The following FBXL17 variants were observed in gnomAD, a reference collection of about 807,000 sequenced individuals.
The protein encoded by FBXL17 is F-box/LRR-repeat protein 17.
A neutral mutation model predicts 66.2 loss-of-function variants in FBXL17; 22 were observed. That is an observed-to-expected ratio of 0.33 (90% CI 0.24 to 0.47). The LOEUF is 0.47. Among genes scored for constraint, FBXL17 ranks in the 20% least tolerant of loss-of-function variants. The pLI, the probability that FBXL17 is intolerant of heterozygous loss-of-function variation, is 1.00. For synonymous variants in FBXL17, 474 were observed against 400.5 expected (o/e 1.18, Z -2.19); for missense variants, 878 against 948.2 (o/e 0.93, Z 0.97).
At chr5:108,357,721 C>T (rs929320537) in intron 3 of FBXL17, among the ~76,000 whole-genome samples, 3 of 136,086 alleles carry the variant, frequency 2.2e-5, no homozygotes, top group Non-Finnish European at 5.1e-5. Flanking sequence ...TTAAATAACA[C>T]GTTTTTTTTT....
At chr5:108,279,498 C>G (rs1194094362) in intron 4 of FBXL17, among the ~76,000 whole-genome samples, 1 of 151,634 alleles carries the variant, frequency 6.6e-6, no homozygotes. Flanking sequence ...GCTGCATGCA[C>G]CCAGAAACAA....
intron 3 of FBXL17, among the ~76,000 whole-genome samples, chr5:108,359,677 T>C (rs1264060094): frequency 6.6e-6 from 1 of 152,206 alleles, no homozygotes; most frequent in Non-Finnish European, 1.5e-5. Context: ...ATGATTTCAA[T>C]CTTTTTTAAA....
intron 4 of FBXL17, among the ~76,000 whole-genome samples, chr5:108,232,792 T>TATATATATTA (rs1554077839): frequency 9.1e-5 from 10 of 109,514 alleles, no homozygotes; most frequent in Non-Finnish European, 1.8e-4. Flanking sequence ...CATATATATA[T>TATATATATTA]ATATATATAT....
chr5:108,157,585 T>TA (rs551079775), intron 6 of FBXL17, among the ~76,000 whole-genome samples: 2,262 of 144,120 alleles, frequency 0.016, 59 homozygotes, highest in African/African-American at 0.048. Context: ...GATTTTTCTT[T>TA]AAAAAAAAAA....
rs57393639 is a variant in FBXL17, at chr5:108,013,014, CAAAAAAA to C, written c.1822+7904_1822+7910del. Among the ~76,000 whole-genome samples the C allele has an allele frequency of 4.7e-3, 377 of 79,404 alleles. 2 individuals are homozygous for C. Among genetic ancestry groups the C allele is most frequent in the African/African-American group, 0.02 (368 of 18,796 alleles). 52.1% of individuals were successfully genotyped at this position (79,404 alleles called of 152,430 possible). The stretch of plus-strand genomic sequence containing the variant: ...GGGTAACAAGAGCGAAACTCCGTCT[CAAAAAAA>C]AAAAAAAAAAAAAAAAAGTACCTAT... On this transcript the variant is annotated intron_variant, in intron 7 of 8. Transcript: ENST00000542267.
chr5:108,137,520 TA>T (rs1751184983), intron 6 of FBXL17, among the ~76,000 whole-genome samples: 1 of 152,086 alleles, frequency 6.6e-6, no homozygotes, highest in Non-Finnish European at 1.5e-5. Context: ...TGCATGAGAA[TA>T]AAGTGGCATG....
chr5:107,939,590 T>G (rs1269142762), intron 7 of FBXL17, among the ~76,000 whole-genome samples: 1 of 152,134 alleles, frequency 6.6e-6, no homozygotes, highest in Non-Finnish European at 1.5e-5. Context: ...TCAGAGGCAG[T>G]CTCTACCCTC....
intron 8 of FBXL17, among the ~76,000 whole-genome samples, chr5:107,865,005 T>C (rs1748232755): frequency 1.3e-5 from 2 of 152,236 alleles, no homozygotes; most frequent in East Asian, 1.9e-4. Context: ...GATGAAGTCA[T>C]TTCGTCAGAG....
intron 4 of FBXL17, among the ~76,000 whole-genome samples, chr5:108,224,935 ATT>A (rs1261705099): frequency 1.3e-5 from 2 of 151,882 alleles, no homozygotes; most frequent in African/African-American, 4.8e-5. Context: ...ACCAATATAT[ATT>A]TTTTTATTGA....
At chr5:108,368,860 G>A (rs979148026) in intron 1 of FBXL17, among the ~76,000 whole-genome samples, 8 of 149,710 alleles carry the variant, frequency 5.3e-5, no homozygotes, top group South Asian at 2.1e-4. Context: ...GGCGGGAACT[G>A]TATCAGGCAA....
At chr5:108,190,677 G>C (rs1444025272) in intron 5 of FBXL17, among the ~76,000 whole-genome samples, 2 of 140,394 alleles carry the variant, frequency 1.4e-5, no homozygotes, top group Non-Finnish European at 3.0e-5. Flanking sequence ...AAGTTCTCTT[G>C]TTTTTGATTG....
chr5:108,106,327 G>A (rs1749794483), intron 6 of FBXL17, among the ~76,000 whole-genome samples: 2 of 152,188 alleles, frequency 1.3e-5, no homozygotes, highest in African/African-American at 2.4e-5. Flanking sequence ...TTATAAAATG[G>A]TGCAACCACT....
intron 6 of FBXL17, among the ~76,000 whole-genome samples, chr5:108,079,682 T>A (rs1342880001): frequency 6.6e-6 from 1 of 152,156 alleles, no homozygotes; most frequent in Non-Finnish European, 1.5e-5. Context: ...ACCAATGTAG[T>A]TATAAAAAAA....
At chr5:108,111,332 CA>C (rs988142368) in intron 6 of FBXL17, among the ~76,000 whole-genome samples, 105 of 152,036 alleles carry the variant, frequency 6.9e-4, no homozygotes, top group African/African-American at 2.5e-3. Context: ...TAATTGGAAA[CA>C]AAACAAGACT....
intron 8 of FBXL17, among the ~76,000 whole-genome samples, chr5:107,876,036 G>A (rs1391681137): frequency 3.3e-5 from 5 of 152,290 alleles, no homozygotes; most frequent in Middle Eastern, 3.4e-3. Flanking sequence ...ACATTAGGGT[G>A]GACCTTTCAC....
chr5:107,931,313 G>A (rs1016362569), intron 7 of FBXL17, among the ~76,000 whole-genome samples: 4 of 147,624 alleles, frequency 2.7e-5, no homozygotes, highest in Non-Finnish European at 5.9e-5. Context: ...AGGCTGGAGT[G>A]CAGTGGTGCA....
At chr5:108,363,957 C>A (rs1221165811) in intron 3 of FBXL17, among the ~76,000 whole-genome samples, 1 of 151,874 alleles carries the variant, frequency 6.6e-6, no homozygotes, top group Non-Finnish European at 1.5e-5. Flanking sequence ...CTGTACATAG[C>A]AGAAATGAAT....
chr5:107,886,777 C>G (rs1226148317), intron 7 of FBXL17, among the ~76,000 whole-genome samples: 2 of 152,030 alleles, frequency 1.3e-5, no homozygotes, highest in East Asian at 3.9e-4. Flanking sequence ...TATATACTCC[C>G]TGATCACTTC....
chr5:107,914,098 C>T (rs1242108039), intron 7 of FBXL17, among the ~76,000 whole-genome samples: 1 of 52,860 alleles, frequency 1.9e-5, no homozygotes, highest in Non-Finnish European at 4.1e-5. Context: ...TAAAAACCTC[C>T]AGTAAAACGG....
Sources: gnomAD v4.1 joint callset for allele counts (sites outside exome capture counted in the v4.1 genomes callset) on GRCh38, gnomAD v4.1.1 for gene constraint, MANE v1.5 for transcripts, NCBI Gene and HGNC (gene_info 2026-07-23, HGNC 2026-07-21) for gene names.